NREP: variants seen among roughly 807,000 people sequenced by gnomAD.
NREP encodes neuronal regeneration related protein.
A neutral mutation model predicts 8.6 loss-of-function variants in NREP; 5 were observed. The ratio of observed to expected loss-of-function variants is 0.58; its 90% CI spans 0.30 to 1.22. The LOEUF (loss-of-function observed/expected upper bound fraction) is 1.22. Ranked by LOEUF, NREP falls within the 50% of genes most tolerant of loss-of-function variation. The pLI, the probability that NREP is intolerant of heterozygous loss-of-function variation, is 0.07. For synonymous variants in NREP, 27 were observed against 28.0 expected (o/e 0.96, Z 0.11); for missense variants, 86 against 82.5 (o/e 1.04, Z -0.17).
intron 2 of NREP, among the ~76,000 whole-genome samples, chr5:111,946,387 C>T (rs865900994): frequency 3.9e-5 from 6 of 151,972 alleles, no homozygotes; most frequent in African/African-American, 1.2e-4. Context: ...TTAATCTATA[C>T]ATGTATGAAG....
intron 2 of NREP, among the ~76,000 whole-genome samples, chr5:111,906,212 GT>G (rs1401470782): frequency 1.7e-4 from 26 of 152,090 alleles, no homozygotes; most frequent in East Asian, 3.9e-4. Context: ...CACATCTAGA[GT>G]TTTTTAATTG....
rs199541258 is a variant in NREP, at chr5:111,889,542, A to G, written c.135+85732T>C. On this transcript the variant is annotated intron_variant, in intron 2 of 3. Transcript: ENST00000395634. ...CCTTCTCACATTGCAAAATATAATCATCCCTTCTCAATAGTACCCCAAAGT... is the reference window on the plus strand; with the variant it reads ...CCTTCTCACATTGCAAAATATAATCGTCCCTTCTCAATAGTACCCCAAAGT... 1.3e-4 allele frequency among the ~76,000 whole-genome samples: 20 copies of G among 152,290 alleles called. 1 individual carries two copies. The East Asian group carries it at 3.5e-3, about 26-fold the overall frequency.
Position 111,878,021 on chromosome 5 carries a change from A to G in NREP, c.135+97253T>C, listed in dbSNP as rs568802955. On this transcript the variant is annotated intron_variant, in intron 2 of 3. Coordinates refer to the NREP transcript ENST00000395634. Reference sequence around the variant, plus strand: ...AGGAGGACAGTTTAAACGGTGGGTAACTCAGGTTAGAGATATGGAACTGGA... The same window carrying G: ...AGGAGGACAGTTTAAACGGTGGGTAGCTCAGGTTAGAGATATGGAACTGGA... Among the ~76,000 whole-genome samples the G allele has an allele frequency of 6.6e-5, 10 of 152,336 alleles. No homozygotes were observed. The South Asian group carries it at 2.1e-3, about 32-fold the overall frequency.
At chr5:111,890,546 C>A (rs751320124) in intron 2 of NREP, among the ~76,000 whole-genome samples, 21 of 152,140 alleles carry the variant, frequency 1.4e-4, no homozygotes, top group Non-Finnish European at 2.8e-4. Context: ...TGTGACAGCC[C>A]CATCCAAACT....
At chr5:111,927,777 T>C (rs1755429729) in intron 2 of NREP, among the ~76,000 whole-genome samples, 1 of 152,158 alleles carries the variant, frequency 6.6e-6, no homozygotes, top group African/African-American at 2.4e-5. Flanking sequence ...ATTTGCTTCT[T>C]TCCTTTTAAA....
chr5:111,754,181 T>A (rs1303002629), intron 2 of NREP, among the ~76,000 whole-genome samples: 3 of 152,116 alleles, frequency 2.0e-5, no homozygotes, highest in Non-Finnish European at 4.4e-5. Flanking sequence ...TGCAAAAAAA[T>A]TAACACGTAA....
rs559188520 is a variant in NREP at position 111,774,581 on chromosome 5, T to C, written c.136-39074A>G. ...TTCAAAGTGTGTAAACGAGTCAGTG[T>C]CCTTCTGTGGGTTTGGAGATGGAGG... On this transcript the variant is annotated intron_variant, in intron 2 of 3. Coordinates refer to the NREP transcript ENST00000395634. Among the ~76,000 whole-genome samples, 19 of 152,250 alleles carry C rather than the reference T, an allele frequency of 1.2e-4. No homozygotes were observed. In the South Asian group the frequency reaches 3.7e-3, roughly 30 times the overall value.
intron 2 of NREP, among the ~76,000 whole-genome samples, chr5:111,897,145 A>G (rs1754530630): frequency 6.6e-6 from 1 of 152,204 alleles, no homozygotes; most frequent in African/African-American, 2.4e-5. Context: ...GGCACTTTTC[A>G]TAATGATACA....
chr5:111,760,481 G>C (rs1447893237), upstream of NREP, among the ~76,000 whole-genome samples: 1 of 152,208 alleles, frequency 6.6e-6, no homozygotes, highest in Non-Finnish European at 1.5e-5. Flanking sequence ...CTGGGGTGAA[G>C]GGGTAAAGAG....
intron 2 of NREP, among the ~76,000 whole-genome samples, chr5:111,765,381 G>C (rs1349622142): frequency 6.6e-6 from 1 of 152,174 alleles, no homozygotes; most frequent in African/African-American, 2.4e-5. Flanking sequence ...TGGGGTTGGA[G>C]ACTCCAGGTC....
Position 111,735,513 on chromosome 5 carries a change from G to A in NREP, c.4-6C>T. On this transcript the variant is annotated splice_region_variant and splice_polypyrimidine_tract_variant and intron_variant, in intron 2 of 3. Coordinates refer to ENST00000257435, the MANE Select transcript of NREP (RefSeq NM_004772.4). ...AAGAGTTCTGGGTAATAAACCTATAGAGACACAAAAGCATACACATTCAGA... is the reference window on the plus strand; with the variant it reads ...AAGAGTTCTGGGTAATAAACCTATAAAGACACAAAAGCATACACATTCAGA... 6.2e-7 allele frequency: 1 copy of A among 1,605,758 alleles called. No individual in the cohort carries two copies. Among genetic ancestry groups the A allele is most frequent in the Non-Finnish European group, 8.5e-7 (1 of 1,173,232 alleles).
At chr5:111,921,780 G>A (rs1581220964) in intron 2 of NREP, among the ~76,000 whole-genome samples, 1 of 152,108 alleles carries the variant, frequency 6.6e-6, no homozygotes, top group Non-Finnish European at 1.5e-5. Flanking sequence ...CACATCTTGT[G>A]GGAGGGACCC....
chr5:111,735,590 A>C, intron 2 of NREP, 83 bp from the exon 3 acceptor site: 1 of 917,286 alleles, frequency 1.1e-6, no homozygotes, highest in Non-Finnish European at 1.8e-6. Flanking sequence ...AATGAGCTCA[A>C]TTCTCCTCAA....
chr5:111,790,329 A>G (rs1032917847), intron 2 of NREP, among the ~76,000 whole-genome samples: 12 of 130,080 alleles, frequency 9.2e-5, no homozygotes, highest in African/African-American at 3.6e-4. Flanking sequence ...TCTTCACCCT[A>G]TACTTCAAAA....
intron 2 of NREP, 78 bp from the exon 3 acceptor site, chr5:111,735,585 G>A (rs370298003): frequency 1.0e-6 from 1 of 998,910 alleles, no homozygotes; most frequent in South Asian, 1.4e-5. Context: ...ACCTTAATGA[G>A]CTCAATTCTC....
chr5:111,817,819 A>AC (rs959137070), intron 2 of NREP, among the ~76,000 whole-genome samples: 7 of 151,546 alleles, frequency 4.6e-5, no homozygotes, highest in Non-Finnish European at 7.4e-5. Flanking sequence ...AAAAAAAAAA[A>AC]AAAAAAGGTT....
intron 1 of NREP, chr5:111,756,293 GT>G: frequency 3.4e-5 from 6 of 176,066 alleles, no homozygotes; most frequent in Non-Finnish European, 4.4e-5. Context: ...AACCTTCCGT[GT>G]TTAAAAAAAA....
At chr5:111,953,013 A>T (rs1250899269) in intron 2 of NREP, among the ~76,000 whole-genome samples, 2 of 152,016 alleles carry the variant, frequency 1.3e-5, no homozygotes, top group African/African-American at 2.4e-5. Flanking sequence ...AAGTCTTATC[A>T]CATGTACCTG....
chr5:111,821,651 T>G (rs1296715297), intron 2 of NREP, among the ~76,000 whole-genome samples: 1 of 152,188 alleles, frequency 6.6e-6, no homozygotes, highest in African/African-American at 2.4e-5. Flanking sequence ...GCTGAGCCTG[T>G]TTTTAAAAAA....
Sources: gnomAD v4.1 joint callset for allele counts (sites outside exome capture counted in the v4.1 genomes callset) on GRCh38, gnomAD v4.1.1 for gene constraint, MANE v1.5 for transcripts, NCBI Gene and HGNC (gene_info 2026-07-23, HGNC 2026-07-21) for gene names.